The following MALRD1 variants were observed in gnomAD, a reference collection of about 807,000 sequenced individuals.
MALRD1 encodes the protein MAM and LDL-receptor class A domain-containing protein 1.
A neutral mutation model predicts 242.1 loss-of-function variants in MALRD1; 247 were observed. The observed-to-expected ratio is 1.02, with a 90% CI of 0.92 to 1.13. The LOEUF is 1.13. MALRD1 is among the 50% of genes most tolerant of loss of function. MALRD1 has a pLI of 0.00. For synonymous variants in MALRD1, 995 were observed against 866.6 expected (o/e 1.15, Z -2.60); for missense variants, 2,989 against 2,533.1 (o/e 1.18, Z -3.86).
chr10:19,237,723 A>AATT (rs1379609238), intron 18 of MALRD1, among the ~76,000 whole-genome samples: 2 of 111,088 alleles, frequency 1.8e-5, no homozygotes, highest in African/African-American at 6.8e-5. Context: ...TTTATATATA[A>AATT]ATATATAATT....
At chr10:19,348,438 T>G (rs1159817472) in intron 25 of MALRD1, among the ~76,000 whole-genome samples, 1 of 151,002 alleles carries the variant, frequency 6.6e-6, no homozygotes, top group Non-Finnish European at 1.5e-5. Flanking sequence ...ATATTAGAGA[T>G]AGTTAGAGCC....
chr10:19,711,953 G>T (rs146889607), intron 38 of MALRD1, among the ~76,000 whole-genome samples: 2 of 152,130 alleles, frequency 1.3e-5, no homozygotes, highest in Admixed American at 6.5e-5. Flanking sequence ...TGGTCAAAAG[G>T]GGGCAGGTGG....
chr10:19,223,588 T>G (rs1837654411), intron 18 of MALRD1, among the ~76,000 whole-genome samples: 1 of 152,212 alleles, frequency 6.6e-6, no homozygotes, highest in African/African-American at 2.4e-5. Flanking sequence ...GGGATACATA[T>G]GCAGAACTTG....
At chr10:19,148,788 A>AAAATATATATAT (rs1206724666) in intron 11 of MALRD1, among the ~76,000 whole-genome samples, 1 of 88,016 alleles carries the variant, frequency 1.1e-5, no homozygotes, top group Non-Finnish European at 2.5e-5. Context: ...AAAAAAAAAA[A>AAAATATATATAT]ATATATATAT....
At chr10:19,480,838 G>T (rs369958496) in intron 29 of MALRD1, among the ~76,000 whole-genome samples, 1 of 151,516 alleles carries the variant, frequency 6.6e-6, no homozygotes, top group Non-Finnish European at 1.5e-5. Context: ...GCTTTTTTTT[G>T]GCGGTTGGGG....
chr10:19,362,486 TG>T (rs1564594926), intron 26 of MALRD1, among the ~76,000 whole-genome samples: 1 of 151,968 alleles, frequency 6.6e-6, no homozygotes, highest in East Asian at 1.9e-4. Context: ...GAAGGAGATA[TG>T]GAAATTAGCT....
chr10:19,610,399 G>A (rs1318043466), intron 35 of MALRD1, among the ~76,000 whole-genome samples: 2 of 151,822 alleles, frequency 1.3e-5, no homozygotes, highest in African/African-American at 2.4e-5. Flanking sequence ...TCACTGGTAA[G>A]CACTGTTCTG....
intron 21 of MALRD1, among the ~76,000 whole-genome samples, chr10:19,295,774 C>T (rs1174354014): frequency 1.3e-5 from 2 of 152,074 alleles, no homozygotes; most frequent in Non-Finnish European, 2.9e-5. Context: ...AAGCACATTC[C>T]ACCTGTGCTG....
rs555741260 is a variant in MALRD1 at position 19,691,016 on chromosome 10, T to C, written c.6138-1266T>C. On this transcript the variant is annotated intron_variant, in intron 36 of 39. Transcript: ENST00000454679. ...GTGGCACTATCAACATTTAAAGGAA[T>C]TGAATTAACTCAGAGTGAAAATGTG... Among the ~76,000 whole-genome samples the C allele has an allele frequency of 3.9e-5, 6 of 152,130 alleles. No individual in the cohort carries two copies. In the South Asian group the frequency reaches 1.2e-3, roughly 32 times the overall value.
chr10:19,619,729 T>C (rs1839318879), intron 36 of MALRD1, among the ~76,000 whole-genome samples: 1 of 152,236 alleles, frequency 6.6e-6, no homozygotes, highest in South Asian at 2.1e-4. Context: ...TAGCTATTAA[T>C]TCTTATTTAT....
At chr10:19,397,371 A>C (rs1385655313) in intron 28 of MALRD1, among the ~76,000 whole-genome samples, 2 of 152,138 alleles carry the variant, frequency 1.3e-5, no homozygotes, top group African/African-American at 2.4e-5. Context: ...ATTTCACTTA[A>C]CATAATTTCC....
Position 19,708,216 on chromosome 10 carries a change from G to A in MALRD1, c.6314+15662G>A, listed in dbSNP as rs1833950243. ...TATATTTTCTTATGTATAAAATGAGGAAGTTGGCATAAATCAGTTTTATCC... is the reference window on the plus strand; with the variant it reads ...TATATTTTCTTATGTATAAAATGAGAAAGTTGGCATAAATCAGTTTTATCC... On this transcript the variant is annotated intron_variant, in intron 38 of 39. Coordinates refer to ENST00000454679, the MANE Select transcript of MALRD1 (RefSeq NM_001142308.3). Among the ~76,000 whole-genome samples, 3 of 120,608 alleles carry A rather than the reference G, an allele frequency of 2.5e-5. 1 individual carries two copies. The South Asian group carries it at 9.3e-4, about 37-fold the overall frequency. 79.1% of individuals were successfully genotyped at this position (120,608 alleles called of 152,430 possible).
At chr10:19,273,898 A>G (rs1840375750) in intron 19 of MALRD1, among the ~76,000 whole-genome samples, 1 of 152,112 alleles carries the variant, frequency 6.6e-6, no homozygotes, top group African/African-American at 2.4e-5. Flanking sequence ...AACATGATCA[A>G]ATAAGGAAAA....
chr10:19,591,591 T>A (rs1175627455), intron 33 of MALRD1, among the ~76,000 whole-genome samples: 12 of 149,012 alleles, frequency 8.1e-5, no homozygotes. Flanking sequence ...CTTCGCCTCC[T>A]CGGTTCAAGC....
chr10:19,692,172 C>T lies in MALRD1; in HGVS notation c.6138-110C>T. On this transcript the variant is annotated intron_variant, in intron 36 of 39. Transcript: ENST00000454679. ...GTTTTTTATCAAAGTTATCCATGTT[C>T]CTAGTATCTCGTTATTTATTGACAT... The T allele has an allele frequency of 3.6e-6, 3 of 836,402 alleles. No homozygotes were observed. In the South Asian group the frequency reaches 6.6e-5, roughly 18 times the overall value. 51.8% of individuals were successfully genotyped at this position (836,402 alleles called of 1,614,324 possible). A position where few individuals can be genotyped will look rare whatever the true frequency, so the allele number is the denominator to read the frequency against.
chr10:19,627,386 A>G (rs529582386), intron 36 of MALRD1, among the ~76,000 whole-genome samples: 1 of 152,106 alleles, frequency 6.6e-6, no homozygotes, highest in South Asian at 2.1e-4. Flanking sequence ...CAGTGTGGTA[A>G]AAGACACCAT....
chr10:19,288,180 G>T (rs1432900330), intron 21 of MALRD1, among the ~76,000 whole-genome samples: 1 of 151,864 alleles, frequency 6.6e-6, no homozygotes, highest in Non-Finnish European at 1.5e-5. Flanking sequence ...ATTTTTGTGG[G>T]TACATGGTAG....
chr10:19,297,243 A>T (rs962157290), intron 21 of MALRD1, among the ~76,000 whole-genome samples: 1 of 151,766 alleles, frequency 6.6e-6, no homozygotes, highest in African/African-American at 2.4e-5. Flanking sequence ...TTAGAAATAT[A>T]CAAGTTCTGT....
At chr10:19,472,707 A>G (rs183095505) in intron 29 of MALRD1, among the ~76,000 whole-genome samples, 10 of 151,988 alleles carry the variant, frequency 6.6e-5, no homozygotes, top group Admixed American at 6.5e-5. Context: ...TAATAGTAGT[A>G]TCATATGATC....
Sources: gnomAD v4.1 joint callset for allele counts (sites outside exome capture counted in the v4.1 genomes callset) on GRCh38, gnomAD v4.1.1 for gene constraint, MANE v1.5 for transcripts, NCBI Gene and HGNC (gene_info 2026-07-23, HGNC 2026-07-21) for gene names.